The following MAOA variants were observed in gnomAD, a reference collection of about 807,000 sequenced individuals.
MAOA encodes the protein amine oxidase [flavin-containing] A.
Under a neutral mutation model 42.0 loss-of-function variants are expected in MAOA, and 6 were observed. The observed-to-expected ratio is 0.14, with a 90% CI of 0.08 to 0.28. The LOEUF (loss-of-function observed/expected upper bound fraction) is 0.28, where lower values mean the gene tolerates loss of function less well. Among genes scored for constraint, MAOA ranks in the 10% least tolerant of loss-of-function variants. MAOA has a pLI of 1.00. For missense variants in MAOA, 262 were observed against 422.3 expected (o/e 0.62, Z 3.33); for synonymous variants, 140 against 154.0 (o/e 0.91, Z 0.67).
At chrX:43,730,923 C>G (rs2147102698) in intron 6 of MAOA, among the ~76,000 whole-genome samples, 1 of 112,038 alleles carries the variant, frequency 8.9e-6, no homozygotes, top group South Asian at 3.7e-4. Flanking sequence ...ACCCTGCACT[C>G]TTTGACATTT....
At chrX:43,656,164 C>T (rs1161342210), upstream of MAOA, 2 of 456,827 alleles carry the variant, frequency 4.4e-6, no homozygotes, top group Non-Finnish European at 7.7e-6. Context: ...CGCCCCTGGG[C>T]GCTCCCGGAG....
Position 43,683,487 on chromosome X carries a change from G to A in MAOA, c.74-26G>A, listed in dbSNP as rs754245553. ...TGGATTTTAAGCATTTGAATGTTAC[G>A]TTGCTCTTTTTTGTTTTTCCTTTAG... is the stretch of plus-strand genomic sequence containing the variant. On this transcript the variant is annotated intron_variant, in intron 1 of 14. Coordinates refer to ENST00000338702, the MANE Select transcript of MAOA (RefSeq NM_000240.4). 1.5e-5 allele frequency: 17 copies of A among 1,098,585 alleles called. No individual in the cohort carries two copies. The East Asian group carries it at 2.7e-4, about 18-fold the overall frequency. 90.5% of individuals were successfully genotyped at this position (1,098,585 alleles called of 1,213,427 possible). A position where few individuals can be genotyped will look rare whatever the true frequency, so the allele number is the denominator to read the frequency against.
chrX:43,712,407 T>C (rs765995870), intron 4 of MAOA, among the ~76,000 whole-genome samples: 2 of 112,140 alleles, frequency 1.8e-5, no homozygotes, highest in Admixed American at 1.9e-4. Context: ...GGACATAAAA[T>C]GGTTATTAGC....
intron 3 of MAOA, among the ~76,000 whole-genome samples, chrX:43,709,504 G>T (rs1037096848): frequency 2.3e-4 from 26 of 111,210 alleles, no homozygotes; most frequent in African/African-American, 6.6e-4. Flanking sequence ...CCGCCTCCTG[G>T]GTTCAAGCAA....
intron 2 of MAOA, among the ~76,000 whole-genome samples, chrX:43,689,232 C>G (rs2033513717): frequency 9.0e-6 from 1 of 111,532 alleles, no homozygotes; most frequent in Non-Finnish European, 1.9e-5. Context: ...GGCGCTGCCA[C>G]CACACCCAAC....
chrX:43,725,564 T>A (rs1204364115), intron 5 of MAOA, among the ~76,000 whole-genome samples: 1 of 111,270 alleles, frequency 9.0e-6, no homozygotes, highest in Non-Finnish European at 1.9e-5. Context: ...CCTATGTGTG[T>A]CTTTGCATGT....
At position 43,728,230 on chromosome X, in the gene MAOA, C is replaced by A; in HGVS notation, c.561C>A (p.His187Gln). Reference sequence around the variant, plus strand: ...ATATCAATGTGACCTCTGAGCCTCACGAAGTGTCTGCCCTGTGGTTCTTGT... The same window carrying A: ...ATATCAATGTGACCTCTGAGCCTCAAGAAGTGTCTGCCCTGTGGTTCTTGT... ...FVNINVTSEP[H>Q]EVSALWFLWY... The change falls in exon 6 of 15, where the codon CAC becomes CAA. Residue 187 changes from histidine (H) to glutamine (Q), a missense_variant. His to Gln is a conservative substitution (Grantham distance 24). This residue lies in a region of MAOA where 141 missense variants were observed against 195.6 expected (regional missense o/e 0.72). Coordinates refer to ENST00000338702, the MANE Select transcript of MAOA (RefSeq NM_000240.4). 1 of 1,209,892 alleles carries A rather than the reference C, an allele frequency of 8.3e-7. No homozygotes were observed. Among genetic ancestry groups the A allele is most frequent in the Non-Finnish European group, 1.1e-6 (1 of 893,840 alleles).
chrX:43,683,990 C>T (rs1177024190), intron 2 of MAOA, among the ~76,000 whole-genome samples: 2 of 110,400 alleles, frequency 1.8e-5, no homozygotes, highest in Non-Finnish European at 3.8e-5. Flanking sequence ...ACTTAGATTC[C>T]CTATTTATCC....
intron 3 of MAOA, among the ~76,000 whole-genome samples, chrX:43,711,277 G>A (rs2033697711): frequency 8.9e-6 from 1 of 112,342 alleles, no homozygotes; most frequent in African/African-American, 3.2e-5. Flanking sequence ...ATACTACCAG[G>A]AAAGGGGAAT....
At chrX:43,696,856 G>A (rs1000411376) in intron 3 of MAOA, among the ~76,000 whole-genome samples, 7 of 112,741 alleles carry the variant, frequency 6.2e-5, no homozygotes, top group African/African-American at 1.9e-4. Flanking sequence ...GGTAATATTA[G>A]ACCATAATTA....
rs189836375 is a variant in MAOA at position 43,728,403 on chromosome X, G to A, written c.645+89G>A. ...GCAGTGTCTTTAATAGTTGCTTCAG[G>A]ATTTTGAAACATGAATAATTAGCAG... On this transcript the variant is annotated intron_variant, in intron 6 of 14. Transcript: ENST00000338702. The A allele has an allele frequency of 6.0e-3, 5,929 of 988,450 alleles. 19 individuals carry two copies. The highest frequency in any genetic ancestry group is 0.024 in the Middle Eastern group (74 of 3,037). 81.5% of individuals were successfully genotyped at this position (988,450 alleles called of 1,213,427 possible). A position where few individuals can be genotyped will look rare whatever the true frequency, so the allele number is the denominator to read the frequency against.
At chrX:43,712,292 A>G (rs1484026298) in intron 4 of MAOA, among the ~76,000 whole-genome samples, 2 of 111,606 alleles carry the variant, frequency 1.8e-5, no homozygotes, top group African/African-American at 6.5e-5. Context: ...ATCTCTACTT[A>G]CAGTTGTCTG....
chrX:43,720,267 G>A (rs1216831017), intron 5 of MAOA, among the ~76,000 whole-genome samples: 1 of 110,109 alleles, frequency 9.1e-6, no homozygotes, highest in African/African-American at 3.3e-5. Context: ...GAGACAGGGT[G>A]GATTGGCTTT....
intron 1 of MAOA, among the ~76,000 whole-genome samples, chrX:43,677,019 G>T (rs1363234852): frequency 1.8e-5 from 2 of 111,114 alleles, no homozygotes; most frequent in Non-Finnish European, 3.8e-5. Flanking sequence ...AGCTGAAAAG[G>T]GTGGCATGAG....
intron 1 of MAOA, among the ~76,000 whole-genome samples, chrX:43,677,701 G>A (rs1054270593): frequency 7.2e-5 from 8 of 111,667 alleles, no homozygotes; most frequent in Middle Eastern, 4.7e-3. Flanking sequence ...TCAAGTTTTT[G>A]CATTTTGAAA....
Position 43,744,929 on chromosome X carries a change from C to G in MAOA, c.*416C>G, listed in dbSNP as rs1031281234. 4.6e-6 allele frequency: 1 copy of G among 215,927 alleles called. No individual in the cohort carries two copies. The highest frequency in any genetic ancestry group is 8.5e-6 in the Non-Finnish European group (1 of 117,473). 17.8% of individuals were successfully genotyped at this position (215,927 alleles called of 1,213,427 possible). On this transcript the variant is annotated 3_prime_UTR_variant, in exon 15 of 15. Coordinates refer to ENST00000338702, the MANE Select transcript of MAOA (RefSeq NM_000240.4). ...GGTGAAGGCCCAGCCTGTAACTGTC[C>G]TTTTTCTTCCCTTAGGCAATGGTGA...
intron 1 of MAOA, among the ~76,000 whole-genome samples, chrX:43,670,977 A>G (rs1247631284): frequency 9.4e-6 from 1 of 106,251 alleles, no homozygotes; most frequent in Non-Finnish European, 1.9e-5. Context: ...TGGCTGGGTC[A>G]AATGGTATTT....
Position 43,732,768 on chromosome X carries a change from C to A in MAOA, c.1025C>A (p.Pro342Gln), listed in dbSNP as rs1451367524. Residue 342 changes from proline to glutamine, a missense_variant, in exon 9 of 15, where the codon CCA becomes CAA. Physicochemically the swap from Pro to Gln is moderately conservative, Grantham distance 76 (BLOSUM62 -1). This residue lies in a region of MAOA where 86 missense variants were observed against 190.3 expected (regional missense o/e 0.45). Coordinates refer to ENST00000338702, the MANE Select transcript of MAOA (RefSeq NM_000240.4). The part of the protein sequence containing the change: ...PISITLDDTK[P>Q]DGSLPAIMGF... ...TCAATAACCTTGGATGACACCAAGC[C>A]AGATGGGTCACTGCCTGCCATCATG... 1.7e-6 allele frequency: 2 copies of A among 1,206,520 alleles called. No homozygotes were observed. The highest frequency in any genetic ancestry group is 4.3e-5 in the Admixed American group (2 of 45,998).
At chrX:43,705,672 T>C (rs1209487845) in intron 3 of MAOA, among the ~76,000 whole-genome samples, 4 of 111,884 alleles carry the variant, frequency 3.6e-5, no homozygotes, top group Non-Finnish European at 7.5e-5. Flanking sequence ...GAAAAGACAA[T>C]CCATAGAATG....
Sources: gnomAD v4.1 joint callset for allele counts (sites outside exome capture counted in the v4.1 genomes callset) on GRCh38, gnomAD v4.1.1 for gene constraint, gnomAD v4.1.1 regional missense constraint, MANE v1.5 for transcripts, NCBI Gene and HGNC (gene_info 2026-07-23, HGNC 2026-07-21) for gene names.